CADM2: variants seen among roughly 807,000 people sequenced by gnomAD.
CADM2 encodes immunoglobulin superfamily member 4D.
Under a neutral mutation model 49.8 loss-of-function variants are expected in CADM2, and 12 were observed. The ratio of observed to expected loss-of-function variants is 0.24; its 90% confidence interval spans 0.15 to 0.39. The LOEUF (loss-of-function observed/expected upper bound fraction) is 0.39. Ranked by LOEUF, CADM2 falls within the 10% of genes least tolerant of loss-of-function variation. The pLI is 1.00. For synonymous variants in CADM2, 214 were observed against 175.4 expected (o/e 1.22, Z -1.74); for missense variants, 378 against 492.3 (o/e 0.77, Z 2.20).
chr3:85,070,624 G>A (rs1575806354), intron 1 of CADM2, among the ~76,000 whole-genome samples: 1 of 152,114 alleles, frequency 6.6e-6, no homozygotes, highest in East Asian at 1.9e-4. Flanking sequence ...ACAAAAAAAG[G>A]AACTATGCTA....
At chr3:85,516,936 A>G (rs1470216800) in intron 1 of CADM2, among the ~76,000 whole-genome samples, 1 of 151,734 alleles carries the variant, frequency 6.6e-6, no homozygotes, top group African/African-American at 2.4e-5. Context: ...CACTTCCTTA[A>G]TTTTTCCAAC....
At chr3:85,397,157 C>T (rs569413855) in intron 1 of CADM2, among the ~76,000 whole-genome samples, 3 of 152,120 alleles carry the variant, frequency 2.0e-5, no homozygotes, top group African/African-American at 7.2e-5. Context: ...AAAAAAGATG[C>T]CCAATATCAC....
intron 1 of CADM2, among the ~76,000 whole-genome samples, chr3:85,309,108 G>A (rs1444808248): frequency 4.6e-5 from 7 of 151,894 alleles, no homozygotes; most frequent in Non-Finnish European, 7.4e-5. Context: ...AAAGTTACAC[G>A]TGCCATAATT....
At chr3:85,166,797 G>A (rs2040481649) in intron 1 of CADM2, among the ~76,000 whole-genome samples, 1 of 151,920 alleles carries the variant, frequency 6.6e-6, no homozygotes, top group Non-Finnish European at 1.5e-5. Flanking sequence ...ACTGGAGAAT[G>A]TCATTTTAAA....
At chr3:85,937,831 G>A (rs916357731) in intron 7 of CADM2, among the ~76,000 whole-genome samples, 6 of 151,914 alleles carry the variant, frequency 3.9e-5, no homozygotes, top group Non-Finnish European at 8.8e-5. Flanking sequence ...GTAATTTAAT[G>A]TAGTGTGTTC....
intron 7 of CADM2, among the ~76,000 whole-genome samples, chr3:85,959,036 C>CTATATCTATATATCTA (rs149143118): frequency 2.7e-4 from 40 of 148,908 alleles, no homozygotes; most frequent in African/African-American, 6.5e-4. Flanking sequence ...AAATCTATAT[C>CTATATCTATATATCTA]TATATCTATA....
At chr3:85,873,557 T>A (rs1190042270) in intron 3 of CADM2, among the ~76,000 whole-genome samples, 2 of 152,052 alleles carry the variant, frequency 1.3e-5, no homozygotes, top group African/African-American at 4.8e-5. Flanking sequence ...TCCCAGCTAC[T>A]GGGGAGGCTG....
intron 5 of CADM2, among the ~76,000 whole-genome samples, chr3:85,901,058 G>T (rs185423820): frequency 6.6e-6 from 1 of 152,046 alleles, no homozygotes; most frequent in Non-Finnish European, 1.5e-5. Flanking sequence ...TTAGCTGGGC[G>T]TGGTGGTGCA....
intron 1 of CADM2, among the ~76,000 whole-genome samples, chr3:85,448,042 A>G (rs924055686): frequency 1.3e-5 from 2 of 152,154 alleles, no homozygotes; most frequent in African/African-American, 4.8e-5. Flanking sequence ...ACAAAATCCT[A>G]GCAAATAGGC....
chr3:85,744,330 A>G (rs941431862), intron 2 of CADM2, among the ~76,000 whole-genome samples: 15 of 152,164 alleles, frequency 9.9e-5, no homozygotes, highest in Admixed American at 7.2e-4. Flanking sequence ...TCAATAATAA[A>G]TTTAATTGTA....
intron 1 of CADM2, among the ~76,000 whole-genome samples, chr3:85,632,132 C>T (rs1337788198): frequency 6.6e-6 from 1 of 152,012 alleles, no homozygotes; most frequent in Non-Finnish European, 1.5e-5. Context: ...GATTGAATCA[C>T]AGGGGCGGGT....
chr3:85,909,425 C>A (rs1056263720), intron 5 of CADM2, among the ~76,000 whole-genome samples: 1 of 117,994 alleles, frequency 8.5e-6, no homozygotes, highest in Non-Finnish European at 1.9e-5. Context: ...TATATAATGT[C>A]CAATGGAAGT....
chr3:85,382,320 C>T (rs1181864803), intron 1 of CADM2, among the ~76,000 whole-genome samples: 2 of 151,958 alleles, frequency 1.3e-5, no homozygotes, highest in African/African-American at 4.8e-5. Context: ...AAAGAATAAG[C>T]GTAGAGAGAA....
intron 1 of CADM2, among the ~76,000 whole-genome samples, chr3:85,426,447 T>A (rs744580): frequency 0.25 from 37,497 of 151,924 alleles, 4,807 homozygotes; most frequent in South Asian, 0.34. Context: ...ACTATTTTTT[T>A]AAAAAAATAT....
chr3:85,384,744 G>A (rs1308228950), intron 1 of CADM2, among the ~76,000 whole-genome samples: 1 of 151,542 alleles, frequency 6.6e-6, no homozygotes, highest in African/African-American at 2.4e-5. Flanking sequence ...AATTTTCCAT[G>A]GGTATGTGGC....
In CADM2 at chr3:85,073,722, T is replaced by C. The variant is rs538164808; in HGVS notation, c.61+114054T>C. 2.9e-3 allele frequency among the ~76,000 whole-genome samples: 449 copies of C among 152,220 alleles called. 1 individual carries two copies. The highest frequency in any genetic ancestry group is 9.6e-3 in the African/African-American group (397 of 41,554). Reference sequence around the variant, plus strand: ...AACCAATCTATCCAATATATGATCGTTTCAATACATAATTGAAAATGAAAT... The same window carrying C: ...AACCAATCTATCCAATATATGATCGCTTCAATACATAATTGAAAATGAAAT... On this transcript the variant is annotated intron_variant, in intron 1 of 9. Transcript: ENST00000383699.
intron 6 of CADM2, among the ~76,000 whole-genome samples, chr3:85,921,120 G>A (rs1191914304): frequency 1.3e-5 from 2 of 151,730 alleles, no homozygotes; most frequent in African/African-American, 2.4e-5. Flanking sequence ...ATAAATGACC[G>A]TGACAAGTAA....
chr3:85,574,451 C>A (rs542502315), intron 1 of CADM2, among the ~76,000 whole-genome samples: 57 of 152,292 alleles, frequency 3.7e-4, no homozygotes, highest in African/African-American at 1.3e-3. Context: ...TACTGTCAGT[C>A]CACTACAGTG....
At chr3:85,808,718 A>T (rs907511463) in intron 3 of CADM2, among the ~76,000 whole-genome samples, 56 of 152,274 alleles carry the variant, frequency 3.7e-4, no homozygotes, top group African/African-American at 1.3e-3. Context: ...CAACTTTTAA[A>T]TTTTTTTAAT....
Sources: allele counts gnomAD v4.1 joint callset (sites outside exome capture counted in the v4.1 genomes callset), GRCh38; gene constraint gnomAD v4.1.1; transcripts MANE v1.5; gene names NCBI Gene and HGNC (gene_info 2026-07-23, HGNC 2026-07-21).